The following HS6ST3 variants were observed in gnomAD, a reference collection of about 807,000 sequenced individuals.
HS6ST3 encodes the protein heparan sulfate 6-O-sulfotransferase 3, also known as heparan-sulfate 6-O-sulfotransferase 3.
A neutral mutation model predicts 36.7 loss-of-function variants in HS6ST3; 12 were observed. That is an observed-to-expected ratio of 0.33 (90% CI 0.21 to 0.53). HS6ST3 has a LOEUF of 0.53. Ranked by LOEUF, HS6ST3 falls within the 20% of genes least tolerant of loss-of-function variation. The pLI is 0.95. For missense variants in HS6ST3, 584 were observed against 640.9 expected, an observed-to-expected ratio of 0.91 and a Z score of 0.96; for synonymous variants, 240 against 257.5, an observed-to-expected ratio of 0.93 and a Z score of 0.65.
At chr13:96,739,958 C>A (rs1202395802) in intron 1 of HS6ST3, among the ~76,000 whole-genome samples, 1 of 152,130 alleles carries the variant, frequency 6.6e-6, no homozygotes, top group Non-Finnish European at 1.5e-5. Context: ...AACCACAGTG[C>A]TCACTTATAC....
intron 1 of HS6ST3, among the ~76,000 whole-genome samples, chr13:96,541,595 G>A (rs1316863381): frequency 2.6e-5 from 4 of 152,064 alleles, no homozygotes; most frequent in Admixed American, 2.6e-4. Context: ...ATAGTGCCTG[G>A]GAGCTATGAT....
rs1491444389 is a variant in HS6ST3 at position 96,600,359 on chromosome 13, C to CACAT, written c.708-232130_708-232129insCATA. ...ACACACACACACACACACACACACA[C>CACAT]ATATATATATATATAGGATTGCTAT... On this transcript the variant is annotated intron_variant, in intron 1 of 1. Coordinates refer to ENST00000376705, the MANE Select transcript of HS6ST3 (RefSeq NM_153456.4). 7.1e-4 allele frequency among the ~76,000 whole-genome samples: 86 copies of CACAT among 120,280 alleles called. No homozygotes were observed. In the East Asian group the frequency reaches 0.013, roughly 18 times the overall value. The allele number at this position is 120,280 out of a possible 152,430, so 78.9% of individuals were successfully genotyped here.
At chr13:96,209,106 C>T (rs980176300) in intron 1 of HS6ST3, among the ~76,000 whole-genome samples, 1 of 152,008 alleles carries the variant, frequency 6.6e-6, no homozygotes, top group African/African-American at 2.4e-5. Flanking sequence ...GTTTTGAATG[C>T]GGATTTGACT....
intron 1 of HS6ST3, among the ~76,000 whole-genome samples, chr13:96,687,200 C>A (rs533660): frequency 0.99 from 150,644 of 152,028 alleles, 74,649 homozygotes; most frequent in Middle Eastern, 1. Context: ...ACGGTGAGAC[C>A]AATTTACACA....
intron 1 of HS6ST3, among the ~76,000 whole-genome samples, chr13:96,815,056 A>G (rs1878392392): frequency 6.6e-6 from 1 of 152,070 alleles, no homozygotes; most frequent in African/African-American, 2.4e-5. Context: ...TTCATTTCTT[A>G]TGGCCACAGT....
chr13:96,212,687 T>C (rs754189976), intron 1 of HS6ST3, among the ~76,000 whole-genome samples: 11 of 152,140 alleles, frequency 7.2e-5, no homozygotes, highest in Non-Finnish European at 1.3e-4. Context: ...AGAGTTTATG[T>C]TATTTTATCC....
intron 1 of HS6ST3, among the ~76,000 whole-genome samples, chr13:96,729,915 T>C (rs1876103852): frequency 6.6e-6 from 1 of 152,242 alleles, no homozygotes; most frequent in African/African-American, 2.4e-5. Flanking sequence ...TGTAACACTT[T>C]GCTCTCTTTG....
chr13:96,136,012 C>T (rs768777715), intron 1 of HS6ST3, among the ~76,000 whole-genome samples: 22 of 152,140 alleles, frequency 1.4e-4, no homozygotes, highest in Non-Finnish European at 2.8e-4. Flanking sequence ...AGGAATGAAT[C>T]TTCTGATTGG....
intron 1 of HS6ST3, among the ~76,000 whole-genome samples, chr13:96,617,283 C>T (rs2056478076): frequency 6.6e-6 from 1 of 152,120 alleles, no homozygotes. Context: ...TAGTTTTTGT[C>T]CCTTACATGG....
chr13:96,621,691 C>T (rs1025762771), intron 1 of HS6ST3, among the ~76,000 whole-genome samples: 1 of 152,138 alleles, frequency 6.6e-6, no homozygotes. Context: ...TATTGTCCCT[C>T]TCTATATGAC....
chr13:96,527,303 A>C (rs1308155729), intron 1 of HS6ST3, among the ~76,000 whole-genome samples: 1 of 152,128 alleles, frequency 6.6e-6, no homozygotes, highest in Non-Finnish European at 1.5e-5. Flanking sequence ...TCCTTTATTC[A>C]TTTAAAAATA....
intron 1 of HS6ST3, among the ~76,000 whole-genome samples, chr13:96,290,103 T>C (rs1342467235): frequency 1.3e-5 from 2 of 152,122 alleles, no homozygotes; most frequent in African/African-American, 4.8e-5. Context: ...TGGTCATTGA[T>C]TGTCCTATGG....
At chr13:96,523,306 T>G (rs1823483958) in intron 1 of HS6ST3, among the ~76,000 whole-genome samples, 1 of 152,178 alleles carries the variant, frequency 6.6e-6, no homozygotes, top group Non-Finnish European at 1.5e-5. Flanking sequence ...ATTTTTTTCC[T>G]CATTTCAACC....
intron 1 of HS6ST3, among the ~76,000 whole-genome samples, chr13:96,449,140 T>C (rs1282061087): frequency 6.6e-6 from 1 of 152,132 alleles, no homozygotes; most frequent in Non-Finnish European, 1.5e-5. Flanking sequence ...TTTTAAATTT[T>C]TCATTGAGAC....
chr13:96,493,995 C>A (rs1272648408), intron 1 of HS6ST3, among the ~76,000 whole-genome samples: 1 of 152,112 alleles, frequency 6.6e-6, no homozygotes, highest in Non-Finnish European at 1.5e-5. Context: ...ATTCCTTAAT[C>A]TCTGATCTTG....
intron 1 of HS6ST3, among the ~76,000 whole-genome samples, chr13:96,270,841 A>G (rs1188431765): frequency 6.6e-6 from 1 of 151,896 alleles, no homozygotes; most frequent in East Asian, 1.9e-4. Flanking sequence ...TTTGCTTGCC[A>G]GGACCCAGAT....
At chr13:96,204,568 T>A (rs2054360153) in intron 1 of HS6ST3, among the ~76,000 whole-genome samples, 1 of 152,140 alleles carries the variant, frequency 6.6e-6, no homozygotes, top group African/African-American at 2.4e-5. Context: ...CACATGACAT[T>A]TACTCTAAAA....
intron 1 of HS6ST3, among the ~76,000 whole-genome samples, chr13:96,120,514 C>T (rs891334452): frequency 6.6e-6 from 1 of 152,124 alleles, no homozygotes; most frequent in African/African-American, 2.4e-5. Context: ...ACGTATATTC[C>T]TTCAATTTAT....
intron 1 of HS6ST3, among the ~76,000 whole-genome samples, chr13:96,727,882 A>G (rs1876046122): frequency 6.6e-6 from 1 of 152,298 alleles, no homozygotes; most frequent in South Asian, 2.1e-4. Flanking sequence ...GCTAATTTCC[A>G]TACAACTTTC....
Sources: gnomAD v4.1 joint callset for allele counts (sites outside exome capture counted in the v4.1 genomes callset) on GRCh38, gnomAD v4.1.1 for gene constraint, MANE v1.5 for transcripts, NCBI Gene and HGNC (gene_info 2026-07-23, HGNC 2026-07-21) for gene names.